Variants in FGF1 observed in about 807,000 individuals in gnomAD.
FGF1 encodes the protein fibroblast growth factor 1.
Under a neutral mutation model 13.4 loss-of-function variants are expected in FGF1, and 9 were observed. The observed-to-expected ratio is 0.67, with a 90% confidence interval of 0.40 to 1.17. The LOEUF (loss-of-function observed/expected upper bound fraction) is 1.17, where lower values mean the gene tolerates loss of function less well. Among genes scored for constraint, FGF1 ranks in the 50% most tolerant of loss-of-function variants. The pLI is 0.01. For missense variants in FGF1, 156 were observed against 192.7 expected (o/e 0.81, Z 1.13); for synonymous variants, 93 against 79.0 (o/e 1.18, Z -0.94).
chr5:142,642,119 T>A (rs1167501860), intron 1 of FGF1, among the ~76,000 whole-genome samples: 1 of 152,138 alleles, frequency 6.6e-6, no homozygotes, highest in Non-Finnish European at 1.5e-5. Context: ...AGAACCCTCT[T>A]CTAGGAGGAG....
In FGF1 at chr5:142,605,432, A is replaced by G. The variant is rs76088259; in HGVS notation, c.170-4627T>C. On this transcript the variant is annotated intron_variant, in intron 2 of 3. Coordinates refer to ENST00000337706, the MANE Select transcript of FGF1 (RefSeq NM_000800.5). ...CACCGTGCCCAGCCAATCAAAGAAG[A>G]TTTTTAAAAAGCTTTTCATTTCCTA... 2.7e-3 allele frequency among the ~76,000 whole-genome samples: 413 copies of G among 152,112 alleles called. 17 individuals are homozygous for G. The East Asian group carries it at 0.069, about 25-fold the overall frequency.
chr5:142,623,381 G>C (rs1007376198), intron 1 of FGF1, among the ~76,000 whole-genome samples: 9 of 147,470 alleles, frequency 6.1e-5, no homozygotes, highest in Admixed American at 3.4e-4. Flanking sequence ...GTCTCGTTCT[G>C]TCGCCCAGGC....
intron 1 of FGF1, among the ~76,000 whole-genome samples, chr5:142,616,066 A>T (rs890078243): frequency 9.9e-5 from 15 of 152,234 alleles, no homozygotes; most frequent in Admixed American, 6.5e-5. Flanking sequence ...ATCATGGAAG[A>T]CCAGCAGCTA....
At chr5:142,645,230 C>G (rs75461396) in intron 1 of FGF1, among the ~76,000 whole-genome samples, 1 of 152,120 alleles carries the variant, frequency 6.6e-6, no homozygotes, top group Non-Finnish European at 1.5e-5. Flanking sequence ...TCCCTGATGG[C>G]GGATGAGAAC....
At chr5:142,696,044 C>T (rs918912946) in intron 2 of FGF1, among the ~76,000 whole-genome samples, 4 of 152,060 alleles carry the variant, frequency 2.6e-5, no homozygotes, top group African/African-American at 9.7e-5. Flanking sequence ...TGAGCATGGG[C>T]AATTTGGGAG....
At chr5:142,646,844 C>A (rs1185438747) in intron 1 of FGF1, among the ~76,000 whole-genome samples, 1 of 152,190 alleles carries the variant, frequency 6.6e-6, no homozygotes, top group African/African-American at 2.4e-5. Flanking sequence ...ACCTCACCAC[C>A]TGATGTCTGA....
At chr5:142,674,204 T>C (rs1772044616) in intron 1 of FGF1, among the ~76,000 whole-genome samples, 1 of 152,262 alleles carries the variant, frequency 6.6e-6, no homozygotes, top group Non-Finnish European at 1.5e-5. Context: ...AGACATCTTA[T>C]CACAATCCCT....
intron 1 of FGF1, among the ~76,000 whole-genome samples, chr5:142,670,637 G>A (rs796257667): frequency 1.1e-4 from 16 of 152,198 alleles, no homozygotes; most frequent in African/African-American, 3.1e-4. Flanking sequence ...CTCAACCAAC[G>A]CCAGCAAAGC....
chr5:142,623,995 C>G (rs549069009), intron 1 of FGF1, among the ~76,000 whole-genome samples: 4 of 152,190 alleles, frequency 2.6e-5, no homozygotes, highest in Admixed American at 6.5e-5. Flanking sequence ...TCTTGGCTCA[C>G]TGCAACCTCC....
At chr5:142,655,903 A>C (rs563290522) in intron 1 of FGF1, among the ~76,000 whole-genome samples, 13 of 152,322 alleles carry the variant, frequency 8.5e-5, no homozygotes, top group South Asian at 6.2e-4. Context: ...CGCGCTGGTG[A>C]GATCAGAGGA....
intron 1 of FGF1, among the ~76,000 whole-genome samples, chr5:142,632,493 G>C (rs1195182725): frequency 6.6e-6 from 1 of 152,218 alleles, no homozygotes; most frequent in Non-Finnish European, 1.5e-5. Flanking sequence ...ATTCAACAAA[G>C]CAGGGGACAT....
In FGF1 at chr5:142,653,617, C is replaced by T. The variant is rs115261434; in HGVS notation, c.-35+32340G>A. Among the ~76,000 whole-genome samples, 1,494 of 152,348 alleles carry T rather than the reference C, an allele frequency of 9.8e-3. 11 individuals carry two copies. Among genetic ancestry groups the T allele is most frequent in the Non-Finnish European group, 0.015 (1,053 of 68,030 alleles). ...TCACTGCCCCCTACAGCGAATTAACCCTGACCCATCTTTCAGATCTCAGCT... is the reference window on the plus strand; with the variant it reads ...TCACTGCCCCCTACAGCGAATTAACTCTGACCCATCTTTCAGATCTCAGCT... On this transcript the variant is annotated intron_variant, in intron 1 of 3. Coordinates refer to ENST00000337706, the MANE Select transcript of FGF1 (RefSeq NM_000800.5).
intron 1 of FGF1, among the ~76,000 whole-genome samples, chr5:142,672,590 C>T (rs1336532154): frequency 1.3e-5 from 2 of 148,698 alleles, no homozygotes; most frequent in African/African-American, 2.5e-5. Context: ...CTGCAACTTC[C>T]GCTTCCCAGG....
intron 2 of FGF1, among the ~76,000 whole-genome samples, chr5:142,601,733 G>A (rs769431657): frequency 6.6e-6 from 1 of 152,134 alleles, no homozygotes; most frequent in Non-Finnish European, 1.5e-5. Flanking sequence ...AGTCAGCAGC[G>A]TCCAGGTTGA....
At chr5:142,633,560 C>T (rs1763714895) in intron 1 of FGF1, among the ~76,000 whole-genome samples, 1 of 152,190 alleles carries the variant, frequency 6.6e-6, no homozygotes, top group African/African-American at 2.4e-5. Flanking sequence ...CATGGAATTT[C>T]CCTGCACCCA....
In FGF1 at chr5:142,600,795, C is replaced by T. The variant is rs1263300780; in HGVS notation, c.180G>A (p.Gln60=). The change falls in exon 3 of 4, where the codon CAG becomes CAA. Residue 60 remains glutamine, a synonymous_variant. Coordinates refer to ENST00000337706, the MANE Select transcript of FGF1 (RefSeq NM_000800.5). The part of the protein sequence containing the change: ...RDRSDQHIQL[Q]LSAESVGEVY... ...CCTCCCCCACGCTTTCCGCACTGAG[C>T]TGCAGCTGAACTGGAATAAAAATAA... 5 of 1,611,360 alleles carry T rather than the reference C, an allele frequency of 3.1e-6. No individual in the cohort carries two copies. The South Asian group carries it at 4.4e-5, about 14-fold the overall frequency.
chr5:142,631,116 A>C (rs1171092382), intron 1 of FGF1, among the ~76,000 whole-genome samples: 1 of 152,220 alleles, frequency 6.6e-6, no homozygotes, highest in African/African-American at 2.4e-5. Context: ...ATCTTGACCT[A>C]AGGACTCTGC....
At chr5:142,690,246 G>C (rs1021042510), upstream of FGF1, among the ~76,000 whole-genome samples, 1 of 150,922 alleles carries the variant, frequency 6.6e-6, no homozygotes, top group African/African-American at 2.4e-5. Flanking sequence ...GCGTGAACCC[G>C]GTGAACCCGG....
At position 142,681,839 on chromosome 5, in the gene FGF1, T is replaced by C. The variant is rs149726978; in HGVS notation, c.-35+4118A>G. On this transcript the variant is annotated intron_variant, in intron 1 of 3. Transcript: ENST00000337706. ...GCCCCTACTATTATATGCAGCGTTGTCATGAGTATTGAGTGAGGTGATACA... is the reference window on the plus strand; with the variant it reads ...GCCCCTACTATTATATGCAGCGTTGCCATGAGTATTGAGTGAGGTGATACA... Among the ~76,000 whole-genome samples, 128 of 152,284 alleles carry C rather than the reference T, an allele frequency of 8.4e-4. 1 individual carries two copies. Among genetic ancestry groups the C allele is most frequent in the African/African-American group, 2.8e-3 (117 of 41,558 alleles).
Sources: gnomAD v4.1 joint callset for allele counts (sites outside exome capture counted in the v4.1 genomes callset) on GRCh38, gnomAD v4.1.1 for gene constraint, MANE v1.5 for transcripts, NCBI Gene and HGNC (gene_info 2026-07-23, HGNC 2026-07-21) for gene names.